Variants in EFCAB10 observed in about 807,000 individuals in gnomAD.
The protein encoded by EFCAB10 is EF-hand calcium-binding domain-containing protein 10.
A neutral mutation model predicts 7.7 loss-of-function variants in EFCAB10; 7 were observed. That is an observed-to-expected ratio of 0.91 (90% CI 0.52 to 1.72). The LOEUF (loss-of-function observed/expected upper bound fraction) is 1.72. Ranked by LOEUF, EFCAB10 falls within the 40% of genes most tolerant of loss-of-function variation. The pLI, the probability that EFCAB10 is intolerant of heterozygous loss-of-function variation, is 0.00. For missense variants in EFCAB10, 112 were observed against 61.5 expected, an observed-to-expected ratio of 1.82 and a Z score of -2.74; for synonymous variants, 52 against 21.0, an observed-to-expected ratio of 2.47 and a Z score of -4.03.
At chr7:105,574,705 G>A (rs549269738) in intron 1 of EFCAB10, among the ~76,000 whole-genome samples, 40 of 151,828 alleles carry the variant, frequency 2.6e-4, no homozygotes, top group African/African-American at 8.7e-4. Flanking sequence ...GGATGGTCTC[G>A]ATCTCCTGAC....
At chr7:105,571,212 G>A (rs1791941608) in intron 1 of EFCAB10, 1 of 152,074 alleles carries the variant, frequency 6.6e-6, no homozygotes, top group Non-Finnish European at 1.5e-5. Flanking sequence ...TAATTGAAGA[G>A]GACTGACAAT....
At chr7:105,574,985 C>T (rs918781501) in intron 1 of EFCAB10, among the ~76,000 whole-genome samples, 17 of 149,036 alleles carry the variant, frequency 1.1e-4, no homozygotes, top group African/African-American at 2.5e-4. Context: ...CATAGTGGTG[C>T]GTGCCTGTAA....
chr7:105,581,392 G>GCTAA lies in EFCAB10; in HGVS notation c.68_71dup (p.Tyr25Ter). ...AGAAAAGGAGGGCGCTGGTGAGGTAGCTAACCACCTCCTTGATCTGATGCT... is the reference window on the plus strand; with the variant it reads ...AGAAAAGGAGGGCGCTGGTGAGGTAGCTAACTAACCACCTCCTTGATCTGATGCT... On this transcript the variant is annotated stop_gained and frameshift_variant, in exon 1 of 5. Coordinates refer to ENST00000480514, the MANE Select transcript of EFCAB10 (RefSeq NM_001355526.2). LOFTEE classifies it high-confidence loss of function. 1.4e-6 allele frequency: 1 copy of GCTAA among 703,022 alleles called. No homozygotes were observed. The highest frequency in any genetic ancestry group is 1.5e-5 in the South Asian group (1 of 67,598). The allele number at this position is 703,022 out of a possible 1,614,324, so 43.5% of individuals were successfully genotyped here.
At position 105,567,113 on chromosome 7, in the gene EFCAB10, A is replaced by G. The variant is rs1289536003; in HGVS notation, c.383+354T>C. 31 of 1,522,670 alleles carry G rather than the reference A, an allele frequency of 2.0e-5. No individual in the cohort carries two copies. Among genetic ancestry groups the G allele is most frequent in the Non-Finnish European group, 2.6e-5 (30 of 1,138,976 alleles). 94.3% of individuals were successfully genotyped at this position (1,522,670 alleles called of 1,614,324 possible). ...CTCATTTCCCTCCTTTGTTTTCCCT[A>G]AACAGTATAAAAGAAGCCTGTATTG... On this transcript the variant is annotated intron_variant, in intron 4 of 4. Coordinates refer to ENST00000480514, the MANE Select transcript of EFCAB10 (RefSeq NM_001355526.2).
At chr7:105,579,162 A>T (rs1289932025) in intron 1 of EFCAB10, among the ~76,000 whole-genome samples, 1 of 152,240 alleles carries the variant, frequency 6.6e-6, no homozygotes, top group Non-Finnish European at 1.5e-5. Flanking sequence ...TCTCTCAGGA[A>T]GCCACTAAAG....
chr7:105,569,254 T>C lies in EFCAB10; in HGVS notation c.308A>G (p.Asp103Gly). 1.4e-6 allele frequency: 1 copy of C among 702,442 alleles called. No individual in the cohort carries two copies. The highest frequency in any genetic ancestry group is 2.7e-5 in the East Asian group (1 of 37,270). 43.5% of individuals were successfully genotyped at this position (702,442 alleles called of 1,614,324 possible). A position where few individuals can be genotyped will look rare whatever the true frequency, so the allele number is the denominator to read the frequency against. ...TATTTTATGTCCATCATCTTGTAAATCTTCATCTTCAGTGCATAGACCCAG... is the reference window on the plus strand; with the variant it reads ...TATTTTATGTCCATCATCTTGTAAACCTTCATCTTCAGTGCATAGACCCAG... ...KTLGLCTEDE[D>G]LQDDGHKITL... The change falls in exon 3 of 5, where the codon GAT (aspartate) becomes GGT (glycine). Residue 103 changes from aspartate (D) to glycine (G), a missense_variant. Coordinates refer to ENST00000480514, the MANE Select transcript of EFCAB10 (RefSeq NM_001355526.2).
At chr7:105,577,648 G>A (rs909558347) in intron 1 of EFCAB10, among the ~76,000 whole-genome samples, 2 of 151,814 alleles carry the variant, frequency 1.3e-5, no homozygotes, top group African/African-American at 4.8e-5. Flanking sequence ...GGCTCATGTT[G>A]TGACTCAGAA....
intron 4 of EFCAB10, 64 bp from the exon 5 acceptor site, chr7:105,565,511 G>T: frequency 6.2e-7 from 1 of 1,611,278 alleles, no homozygotes; most frequent in Non-Finnish European, 8.5e-7. Flanking sequence ...ACTGTTATAT[G>T]AATTATTCTT....
intron 1 of EFCAB10, among the ~76,000 whole-genome samples, chr7:105,578,707 T>A (rs993876553): frequency 6.6e-6 from 1 of 152,190 alleles, no homozygotes; most frequent in African/African-American, 2.4e-5. Context: ...CATGAGAAAT[T>A]AGAAGACAAT....
intron 1 of EFCAB10, among the ~76,000 whole-genome samples, chr7:105,570,242 T>G (rs901234529): frequency 8.7e-5 from 2 of 23,086 alleles, no homozygotes; most frequent in East Asian, 2.2e-3. Context: ...AAAAAAAAAA[T>G]ATATATATAT....
chr7:105,577,509 G>T (rs1226019298), intron 1 of EFCAB10, among the ~76,000 whole-genome samples: 3 of 152,060 alleles, frequency 2.0e-5, no homozygotes, highest in Admixed American at 2.0e-4. Flanking sequence ...TTGATTGCTG[G>T]AATGACTGTG....
At chr7:105,578,252 A>G (rs1052116163) in intron 1 of EFCAB10, among the ~76,000 whole-genome samples, 14 of 152,230 alleles carry the variant, frequency 9.2e-5, no homozygotes, top group African/African-American at 3.4e-4. Context: ...ACCCATAAAG[A>G]ACGACTAATG....
At position 105,567,215 on chromosome 7, in the gene EFCAB10, A is replaced by G. The variant is rs1392411791; in HGVS notation, c.383+252T>C. On this transcript the variant is annotated intron_variant, in intron 4 of 4. Transcript: ENST00000480514. ...CAGCTTCAGGGCAGCTTCCTGCCACAGCAGCATTAAATGAAGTTGGAATTT... is the reference window on the plus strand; with the variant it reads ...CAGCTTCAGGGCAGCTTCCTGCCACGGCAGCATTAAATGAAGTTGGAATTT... 6.2e-7 allele frequency: 1 copy of G among 1,613,410 alleles called. No individual in the cohort carries two copies. The highest frequency in any genetic ancestry group is 8.5e-7 in the Non-Finnish European group (1 of 1,179,712).
intron 1 of EFCAB10, chr7:105,572,933 A>G (rs1421592005): frequency 6.6e-6 from 1 of 151,838 alleles, no homozygotes; most frequent in Non-Finnish European, 1.5e-5. Context: ...ATTTTTTCAT[A>G]TACCTGTAGG....
rs575229145 is a variant in EFCAB10, at chr7:105,575,321, A to G, written c.107-5750T>C. ...TATATATACACATACATATATATAT[A>G]TTTTTTAGATGAAGTCTCACTTTGT... On this transcript the variant is annotated intron_variant, in intron 1 of 4. Transcript: ENST00000480514. Among the ~76,000 whole-genome samples the G allele has an allele frequency of 4.6e-5, 7 of 152,048 alleles. No individual in the cohort carries two copies. The South Asian group carries it at 1.2e-3, about 27-fold the overall frequency.
Position 105,570,268 on chromosome 7 carries a change from T to TATATAC in EFCAB10, c.107-698_107-697insGTATAT, listed in dbSNP as rs1188257284. Among the ~76,000 whole-genome samples the TATATAC allele has an allele frequency of 3.8e-3, 255 of 66,266 alleles. 4 individuals carry two copies. Among genetic ancestry groups the TATATAC allele is most frequent in the Middle Eastern group, 0.025 (3 of 118 alleles). The allele number at this position is 66,266 out of a possible 152,430, so 43.5% of individuals were successfully genotyped here. On this transcript the variant is annotated intron_variant, in intron 1 of 4. Coordinates refer to ENST00000480514, the MANE Select transcript of EFCAB10 (RefSeq NM_001355526.2). ...ATATATATATATATATATATATATA[T>TATATAC]ACACACACACACACATACATATACA...
intron 3 of EFCAB10, among the ~76,000 whole-genome samples, chr7:105,567,955 C>A (rs145334064): frequency 6.6e-6 from 1 of 152,270 alleles, no homozygotes; most frequent in Non-Finnish European, 1.5e-5. Context: ...GATTGTGACA[C>A]GGCACAGCAG....
intron 1 of EFCAB10, among the ~76,000 whole-genome samples, chr7:105,575,178 C>A (rs1792047133): frequency 6.6e-6 from 1 of 151,436 alleles, no homozygotes; most frequent in Non-Finnish European, 1.5e-5. Flanking sequence ...ACAAGAACAG[C>A]ATGGGAAAGA....
At chr7:105,577,881 T>C (rs548160857) in intron 1 of EFCAB10, among the ~76,000 whole-genome samples, 20 of 152,080 alleles carry the variant, frequency 1.3e-4, no homozygotes, top group Non-Finnish European at 1.9e-4. Flanking sequence ...TACACCTGAT[T>C]TTGTATTTTT....
Sources: gnomAD v4.1 joint callset for allele counts (sites outside exome capture counted in the v4.1 genomes callset) on GRCh38, gnomAD v4.1.1 for gene constraint, MANE v1.5 for transcripts, NCBI Gene and HGNC (gene_info 2026-07-23, HGNC 2026-07-21) for gene names.